The following COL5A2 variants were observed in gnomAD, a reference collection of about 807,000 sequenced individuals.
The protein encoded by COL5A2 is collagen alpha-2(V) chain.
COL5A2 carries 23 observed loss-of-function variants against 208.2 expected under a neutral mutation model. That is an observed-to-expected ratio of 0.11 (90% CI 0.08 to 0.16). The LOEUF (loss-of-function observed/expected upper bound fraction) is 0.16, where lower values mean the gene tolerates loss of function less well. COL5A2 is among the 10% of genes least tolerant of loss of function. The pLI is 1.00. For missense variants in COL5A2, 1,590 were observed against 1,956.4 expected, an observed-to-expected ratio of 0.81 and a Z score of 3.53; for synonymous variants, 625 against 628.5, an observed-to-expected ratio of 0.99 and a Z score of 0.08.
At chr2:189,043,680 A>G (rs888822758) in intron 47 of COL5A2, among the ~76,000 whole-genome samples, 8 of 152,202 alleles carry the variant, frequency 5.3e-5, no homozygotes, top group African/African-American at 1.7e-4. Context: ...CGTGTGTAAC[A>G]ATGAAATGAT....
intron 1 of COL5A2, among the ~76,000 whole-genome samples, chr2:189,171,341 C>A (rs1688570225): frequency 6.6e-6 from 1 of 152,090 alleles, no homozygotes; most frequent in Non-Finnish European, 1.5e-5. Flanking sequence ...TTTTATATCA[C>A]ACTAGCAACA....
chr2:189,169,741 T>G (rs1688535753), intron 1 of COL5A2, among the ~76,000 whole-genome samples: 1 of 152,246 alleles, frequency 6.6e-6, no homozygotes, highest in Non-Finnish European at 1.5e-5. Flanking sequence ...GACGGATTTT[T>G]GCTCTTGTTG....
At chr2:189,057,570 C>G (rs1423271660) in intron 33 of COL5A2, 143 bp from the exon 34 acceptor site, 2 of 668,606 alleles carry the variant, frequency 3.0e-6, no homozygotes, top group Non-Finnish European at 5.3e-6. Flanking sequence ...AGAAAGTTGT[C>G]TCTGAGTGAG....
rs140541824 is a variant in COL5A2 at position 189,061,598 on chromosome 2, T to C, written c.1995A>G (p.Arg665=). The change falls in exon 30 of 54, where the codon AGA becomes AGG. Residue 665 remains arginine (R), a synonymous_variant. Coordinates refer to ENST00000374866, the MANE Select transcript of COL5A2 (RefSeq NM_000393.5). The part of the protein sequence containing the change: ...PVGPPGLAGE[R]GEQGPPGPTG... ...TGGGGCCTGGAGGTCCTTGTTCTCC[T>C]CTTTCACCAGCTAGACCCTAAGTTG... The C allele has an allele frequency of 6.4e-5, 103 of 1,613,258 alleles. 1 individual carries two copies. In the East Asian group the frequency reaches 2.3e-3, roughly 36 times the overall value.
the COL5A2 span, among the ~76,000 whole-genome samples, chr2:189,437,470 A>G: frequency 6.6e-6 from 1 of 152,174 alleles, no homozygotes; most frequent in Non-Finnish European, 1.5e-5. Context: ...ATTTCAAACC[A>G]TTCTAAAATT....
At chr2:189,208,164 C>T (rs1689164571) in intron 1 of COL5A2, among the ~76,000 whole-genome samples, 1 of 152,150 alleles carries the variant, frequency 6.6e-6, no homozygotes, top group African/African-American at 2.4e-5. Context: ...CATTACTGCT[C>T]CCCTCCAACC....
chr2:189,430,008 C>T, the COL5A2 span, among the ~76,000 whole-genome samples: 3 of 152,166 alleles, frequency 2.0e-5, no homozygotes, highest in East Asian at 1.9e-4. Flanking sequence ...CTCTCCCCCA[C>T]AGTTAGTTCT....
intron 1 of COL5A2, among the ~76,000 whole-genome samples, chr2:189,217,939 C>T (rs10211173): frequency 0.98 from 149,717 of 152,244 alleles, 73,661 homozygotes; most frequent in East Asian, 1. Flanking sequence ...CAAAGAGCTG[C>T]TATTCTCAGG....
chr2:189,340,993 C>T, the COL5A2 span, among the ~76,000 whole-genome samples: 67 of 152,234 alleles, frequency 4.4e-4, no homozygotes, highest in Middle Eastern at 3.4e-3. Flanking sequence ...AATAAAGTTA[C>T]AATATACGAG....
chr2:189,260,184 G>A, the COL5A2 span, among the ~76,000 whole-genome samples: 2 of 151,882 alleles, frequency 1.3e-5, no homozygotes, highest in Admixed American at 6.6e-5. Context: ...AAGTCTTTCA[G>A]AAAAAAAATG....
chr2:189,316,109 G>C, the COL5A2 span, among the ~76,000 whole-genome samples: 1 of 152,072 alleles, frequency 6.6e-6, no homozygotes, highest in African/African-American at 2.4e-5. Flanking sequence ...TCCATTACTT[G>C]CTATATACCT....
chr2:189,087,236 T>C (rs1228886505), intron 8 of COL5A2, among the ~76,000 whole-genome samples: 1 of 152,190 alleles, frequency 6.6e-6, no homozygotes, highest in Non-Finnish European at 1.5e-5. Flanking sequence ...TAAATGTGAG[T>C]TGAAAACGAT....
At chr2:189,179,366 G>C in intron 1 of COL5A2, 142 bp downstream of exon 1, 1 of 897,658 alleles carries the variant, frequency 1.1e-6, no homozygotes, top group Non-Finnish European at 1.8e-6. Context: ...CTTTCAAGTC[G>C]TTTTCCAGGT....
At chr2:189,132,552 A>G (rs1002767775) in intron 1 of COL5A2, among the ~76,000 whole-genome samples, 2 of 152,258 alleles carry the variant, frequency 1.3e-5, no homozygotes, top group East Asian at 3.8e-4. Flanking sequence ...AAATTCAAAT[A>G]ACCAAATCAC....
At chr2:189,315,027 T>C in the COL5A2 span, among the ~76,000 whole-genome samples, 7 of 152,134 alleles carry the variant, frequency 4.6e-5, no homozygotes, top group African/African-American at 1.7e-4. Flanking sequence ...TACCATTCCC[T>C]TTGCAACTAT....
At chr2:189,249,309 C>CTTAAATTCTT in the COL5A2 span, among the ~76,000 whole-genome samples, 4 of 152,080 alleles carry the variant, frequency 2.6e-5, no homozygotes, top group Admixed American at 2.6e-4. Context: ...TAATGAAAAG[C>CTTAAATTCTT]TTAAATTCTT....
the COL5A2 span, among the ~76,000 whole-genome samples, chr2:189,334,823 T>G: frequency 6.6e-6 from 1 of 152,056 alleles, no homozygotes; most frequent in Non-Finnish European, 1.5e-5. Flanking sequence ...ATTACCTGAT[T>G]TCAAGGCTTA....
chr2:189,316,814 T>C, the COL5A2 span, among the ~76,000 whole-genome samples: 1 of 150,210 alleles, frequency 6.7e-6, no homozygotes, highest in African/African-American at 2.4e-5. Context: ...GAATAAGACC[T>C]ACTATTTGAT....
chr2:189,244,161 A>G, the COL5A2 span, among the ~76,000 whole-genome samples: 3 of 152,172 alleles, frequency 2.0e-5, no homozygotes. Context: ...TGTCTTGGGG[A>G]TTATTATTTG....
Sources: allele counts gnomAD v4.1 joint callset (sites outside exome capture counted in the v4.1 genomes callset), GRCh38; gene constraint gnomAD v4.1.1; transcripts MANE v1.5; gene names NCBI Gene and HGNC (gene_info 2026-07-23, HGNC 2026-07-21).